The following TMEM132E variants were observed in gnomAD, a reference collection of about 807,000 sequenced individuals.
TMEM132E encodes the protein transmembrane protein 132E.
TMEM132E carries 49 observed loss-of-function variants against 78.5 expected under a neutral mutation model. The ratio of observed to expected loss-of-function variants is 0.62; its 90% CI spans 0.50 to 0.79. The LOEUF (loss-of-function observed/expected upper bound fraction) is 0.79, where lower values mean the gene tolerates loss of function less well. Ranked by LOEUF, TMEM132E falls within the 30% of genes least tolerant of loss-of-function variation. The pLI, the probability that TMEM132E is intolerant of heterozygous loss-of-function variation, is 0.00. For missense variants in TMEM132E, 1,403 were observed against 1,470.9 expected, an observed-to-expected ratio of 0.95 and a Z score of 0.75; for synonymous variants, 715 against 670.6, an observed-to-expected ratio of 1.07 and a Z score of -1.02.
chr17:34,607,662 CT>C (rs1253764760), intron 1 of TMEM132E, among the ~76,000 whole-genome samples: 1 of 152,230 alleles, frequency 6.6e-6, no homozygotes, highest in Non-Finnish European at 1.5e-5. Context: ...AGGTACCACA[CT>C]TCTGTCTGAC....
At chr17:34,627,595 A>T (rs1479735885) in intron 2 of TMEM132E, among the ~76,000 whole-genome samples, 1 of 152,036 alleles carries the variant, frequency 6.6e-6, no homozygotes, top group South Asian at 2.1e-4. Flanking sequence ...AAAAGGACAC[A>T]GTTTGCAAAC....
chr17:34,629,071 G>A lies in TMEM132E; in HGVS notation c.1205G>A (p.Ser402Asn), dbSNP rs2142082195. ...QLDFEMENFT[S>N]QSVKRRIMWH... Reference sequence around the variant, plus strand: ...GACTTTGAAATGGAGAACTTCACCAGCCAGTCAGTCAAGCGGAGGATCATG... The same window carrying A: ...GACTTTGAAATGGAGAACTTCACCAACCAGTCAGTCAAGCGGAGGATCATG... Residue 402 changes from serine to asparagine, a missense_variant, in exon 4 of 9, where the codon AGC becomes AAC. Physicochemically the swap from Ser to Asn is conservative, Grantham distance 46. Coordinates refer to ENST00000631683, the MANE Select transcript of TMEM132E (RefSeq NM_001304438.2). The A allele has an allele frequency of 6.2e-7, 1 of 1,602,148 alleles. No homozygotes were observed. The highest frequency in any genetic ancestry group is 8.5e-7 in the Non-Finnish European group (1 of 1,172,008).
In TMEM132E at chr17:34,636,144, C is replaced by A; in HGVS notation, c.2115C>A (p.Ser705Arg). 1 of 1,583,528 alleles carries A rather than the reference C, an allele frequency of 6.3e-7. No individual in the cohort carries two copies. The change falls in exon 8 of 9, where the codon AGC becomes AGA. Residue 705 changes from serine (S) to arginine (R), a missense_variant. Ser to Arg is a moderately radical substitution (Grantham distance 110, BLOSUM62 -1). This residue lies in a region of TMEM132E where 888 missense variants were observed against 952.8 expected (regional missense o/e 0.93). Transcript: ENST00000631683. ...ALSLRPSPGS[S>R]HTILATTAAQ... is the part of the protein sequence containing the mutation. ...CCCTGCGGCCCAGCCCTGGGAGCAG[C>A]CACACCATCCTAGCCACCACAGCTG... is the stretch of plus-strand genomic sequence containing the variant.
chr17:34,596,206 C>CAGTT (rs1253804674), intron 1 of TMEM132E, among the ~76,000 whole-genome samples: 1 of 152,216 alleles, frequency 6.6e-6, no homozygotes, highest in Non-Finnish European at 1.5e-5. Flanking sequence ...TTGTTCCTTG[C>CAGTT]AGTTCACCAC....
rs764249859 is a variant in TMEM132E at position 34,637,631 on chromosome 17, C to A, written c.2624C>A (p.Thr875Asn). The A allele has an allele frequency of 2.5e-6, 4 of 1,605,174 alleles. No homozygotes were observed. The South Asian group carries it at 4.4e-5, about 18-fold the overall frequency. Reference sequence around the variant, plus strand: ...ACAGAAGACTTCCTGCCGCTGCCCACCGGCTTCCTGCAGGTGCCACGGGGT... The same window carrying A: ...ACAGAAGACTTCCTGCCGCTGCCCAACGGCTTCCTGCAGGTGCCACGGGGT... ...PPTEDFLPLP[T>N]GFLQVPRGLT... The change falls in exon 9 of 9, where the codon ACC (threonine) becomes AAC (asparagine). Residue 875 changes from threonine to asparagine, a missense_variant. Coordinates refer to ENST00000631683, the MANE Select transcript of TMEM132E (RefSeq NM_001304438.2).
rs1906064906 is a variant in TMEM132E, at chr17:34,596,513, ATCAAATTTACCTATGCAGGTGCCCCAG to A, written c.67+15374_67+15400del. ...ACCCATTCAGCTTGGTCCCAGTGCC[ATCAAATTTACCTATGCAGGTGCCCCAG>A]TCACAAAAAAGGGAAACTGAGGCAG... On this transcript the variant is annotated intron_variant, in intron 1 of 8. Transcript: ENST00000631683. Among the ~76,000 whole-genome samples, 7 of 152,290 alleles carry A rather than the reference ATCAAATTTACCTATGCAGGTGCCCCAG, an allele frequency of 4.6e-5. No homozygotes were observed. The South Asian group carries it at 1.2e-3, about 27-fold the overall frequency.
intron 1 of TMEM132E, among the ~76,000 whole-genome samples, chr17:34,622,684 T>C (rs1390217139): frequency 1.3e-5 from 2 of 152,210 alleles, no homozygotes; most frequent in Admixed American, 1.3e-4. Context: ...ACTGCCGGGC[T>C]GCTTATTCAG....
chr17:34,612,397 A>G (rs763815973), intron 1 of TMEM132E, among the ~76,000 whole-genome samples: 4 of 152,088 alleles, frequency 2.6e-5, no homozygotes, highest in Non-Finnish European at 4.4e-5. Flanking sequence ...CTCCTCCCCA[A>G]CTGGAAATGC....
intron 1 of TMEM132E, among the ~76,000 whole-genome samples, chr17:34,609,082 A>G (rs1008236494): frequency 4.6e-5 from 7 of 152,126 alleles, no homozygotes; most frequent in African/African-American, 1.7e-4. Context: ...CTTCCTGGAG[A>G]AGGTGGGATT....
intron 1 of TMEM132E, among the ~76,000 whole-genome samples, chr17:34,616,354 A>G (rs997662531): frequency 6.6e-6 from 1 of 152,112 alleles, no homozygotes; most frequent in Non-Finnish European, 1.5e-5. Flanking sequence ...TCCAGGATTT[A>G]CAACCTGCCA....
chr17:34,632,645 C>T, intron 5 of TMEM132E, 59 bp from the exon 6 acceptor site: 3 of 1,588,888 alleles, frequency 1.9e-6, no homozygotes, highest in Non-Finnish European at 2.6e-6. Context: ...AAGTCCTCCG[C>T]ACTGCCTCAC....
Position 34,637,702 on chromosome 17 carries a change from T to A in TMEM132E, c.2695T>A (p.Cys899Ser). Residue 899 changes from cysteine (C) to serine (S), a missense_variant, in exon 9 of 9, where the codon TGC becomes AGC. This residue lies in a region of TMEM132E where 888 missense variants were observed against 952.8 expected (regional missense o/e 0.93). Coordinates refer to ENST00000631683, the MANE Select transcript of TMEM132E (RefSeq NM_001304438.2). ...CATGTACGCGCTGCTGGGCGTCTTC[T>A]GCCTCGCCATCCTCGTCTTCCTCAT... ...IGMYALLGVF[C>S]LAILVFLINC... is the part of the protein sequence containing the mutation. The A allele has an allele frequency of 6.2e-7, 1 of 1,612,632 alleles. No homozygotes were observed. The highest frequency in any genetic ancestry group is 1.7e-5 in the Admixed American group (1 of 60,028).
chr17:34,609,713 T>A (rs1387143023), intron 1 of TMEM132E, among the ~76,000 whole-genome samples: 2 of 152,220 alleles, frequency 1.3e-5, no homozygotes, highest in African/African-American at 4.8e-5. Context: ...TTTACAAGTA[T>A]AGGATCTATT....
intron 1 of TMEM132E, among the ~76,000 whole-genome samples, chr17:34,590,109 C>A (rs1443554567): frequency 6.6e-6 from 1 of 152,212 alleles, no homozygotes; most frequent in East Asian, 1.9e-4. Context: ...GCCAGCCCTC[C>A]TGCCTGGGAA....
At chr17:34,613,077 T>TC (rs1263099750) in intron 1 of TMEM132E, among the ~76,000 whole-genome samples, 1 of 147,610 alleles carries the variant, frequency 6.8e-6, no homozygotes, top group Non-Finnish European at 1.5e-5. Flanking sequence ...TTCCCCAGCT[T>TC]CCCCCAGAGC....
intron 1 of TMEM132E, among the ~76,000 whole-genome samples, chr17:34,612,651 G>A (rs1751113560): frequency 6.6e-6 from 1 of 152,230 alleles, no homozygotes; most frequent in South Asian, 2.1e-4. Flanking sequence ...TGGCAGAGCA[G>A]TGAGGAAGTC....
chr17:34,635,839 G>C (rs1315776887), intron 7 of TMEM132E, 168 bp from the exon 8 acceptor site: 1 of 551,846 alleles, frequency 1.8e-6, no homozygotes, highest in Admixed American at 4.3e-5. Flanking sequence ...TCTGGACACT[G>C]GTTCCTGGTT....
chr17:34,622,581 CCTGGTGCCAGGAG>C, intron 1 of TMEM132E, among the ~76,000 whole-genome samples: 1 of 152,234 alleles, frequency 6.6e-6, no homozygotes, highest in East Asian at 1.9e-4. Flanking sequence ...AGCCCCTAGG[CCTGGTGCCAGGAG>C]CCCTCCCCTC....
At position 34,580,797 on chromosome 17, in the gene TMEM132E, C is replaced by A. The variant is rs560939315; in HGVS notation, c.-280C>A. The stretch of plus-strand genomic sequence containing the variant: ...GGGCTCCGGACTGCACGTGCAGCTC[C>A]CCCCGCGCCTCGCAGATCCTGCAGG... On this transcript the variant is annotated 5_prime_UTR_variant, in exon 1 of 9. Coordinates refer to ENST00000631683, the MANE Select transcript of TMEM132E (RefSeq NM_001304438.2). 5.2e-5 allele frequency: 20 copies of A among 385,440 alleles called. No individual in the cohort carries two copies. In the South Asian group the frequency reaches 9.5e-4, roughly 18 times the overall value. 23.9% of individuals were successfully genotyped at this position (385,440 alleles called of 1,614,324 possible).
Sources: gnomAD v4.1 joint callset for allele counts (sites outside exome capture counted in the v4.1 genomes callset) on GRCh38, gnomAD v4.1.1 for gene constraint, gnomAD v4.1.1 regional missense constraint, MANE v1.5 for transcripts, NCBI Gene and HGNC (gene_info 2026-07-23, HGNC 2026-07-21) for gene names.